The following CPM variants were observed in gnomAD, a reference collection of about 807,000 sequenced individuals.
CPM encodes carboxypeptidase M.
In CPM, 35 loss-of-function variants were observed where a neutral mutation model predicts 46.4. That is an observed-to-expected ratio of 0.75 (90% confidence interval 0.58 to 1.00). CPM has a LOEUF of 1.00. CPM is among the 50% of genes least tolerant of loss of function. The pLI, the probability that CPM is intolerant of heterozygous loss-of-function variation, is 0.00. For synonymous variants in CPM, 195 were observed against 195.3 expected (o/e 1.00, Z 0.01); for missense variants, 422 against 530.4 (o/e 0.80, Z 2.01).
intron 2 of CPM, among the ~76,000 whole-genome samples, chr12:68,905,278 TTC>T (rs1011761750): frequency 1.3e-5 from 2 of 151,402 alleles, no homozygotes; most frequent in Non-Finnish European, 2.9e-5. Flanking sequence ...ATCTTTTTTT[TTC>T]TCTCTCTCTC....
upstream of CPM, among the ~76,000 whole-genome samples, chr12:68,933,372 G>A (rs1565805363): frequency 6.6e-6 from 1 of 152,024 alleles, no homozygotes; most frequent in Non-Finnish European, 1.5e-5. Flanking sequence ...CCGCGGCCGG[G>A]CGGCTGAGCT....
At chr12:68,893,410 C>T (rs147955244) in intron 2 of CPM, among the ~76,000 whole-genome samples, 269 of 152,246 alleles carry the variant, frequency 1.8e-3, no homozygotes, top group Middle Eastern at 0.01. Context: ...CCACAGGATC[C>T]CAATGAAGCT....
chr12:68,885,751 C>G (rs1886400072), intron 3 of CPM, 41 bp downstream of exon 3: 1 of 1,517,142 alleles, frequency 6.6e-7, no homozygotes, highest in Non-Finnish European at 9.1e-7. Context: ...CTAGGGGAAG[C>G]TTCTCTGGTG....
chr12:68,923,236 G>A (rs990935922), intron 2 of CPM, among the ~76,000 whole-genome samples: 3 of 1,874 alleles, frequency 1.6e-3, no homozygotes, highest in African/African-American at 0.01. Context: ...TCACTTTAAG[G>A]TTTTCTTTTG....
intron 7 of CPM, among the ~76,000 whole-genome samples, chr12:68,865,987 A>C (rs1233154309): frequency 6.6e-6 from 1 of 152,108 alleles, no homozygotes; most frequent in Non-Finnish European, 1.5e-5. Context: ...GCACGTTTGA[A>C]AGCTATCACT....
chr12:68,937,845 C>A (rs1234084850), upstream of CPM, among the ~76,000 whole-genome samples: 1 of 152,110 alleles, frequency 6.6e-6, no homozygotes, highest in Non-Finnish European at 1.5e-5. Context: ...ACAATGAAGG[C>A]ATTTTAATTT....
upstream of CPM, among the ~76,000 whole-genome samples, chr12:68,936,289 T>A (rs961541150): frequency 7.9e-5 from 12 of 152,060 alleles, no homozygotes; most frequent in African/African-American, 1.5e-4. Context: ...GAAAAAAAAA[T>A]TTAGTGTTAA....
intron 2 of CPM, among the ~76,000 whole-genome samples, chr12:68,890,796 A>G (rs1886623443): frequency 1.3e-5 from 2 of 152,228 alleles, no homozygotes; most frequent in East Asian, 3.8e-4. Context: ...CAACTCCATC[A>G]GACTATCTCT....
At chr12:68,935,704 G>T (rs1256310735), upstream of CPM, among the ~76,000 whole-genome samples, 1 of 151,802 alleles carries the variant, frequency 6.6e-6, no homozygotes, top group Non-Finnish European at 1.5e-5. Flanking sequence ...GGTTGAAGAC[G>T]TTTCCCTTTC....
Position 68,883,034 on chromosome 12 carries a change from G to A in CPM, c.258+2758C>T, listed in dbSNP as rs556520545. Among the ~76,000 whole-genome samples, 388 of 152,234 alleles carry A rather than the reference G, an allele frequency of 2.5e-3. 2 individuals carry two copies. The highest frequency in any genetic ancestry group is 7.5e-3 in the African/African-American group (311 of 41,526). ...AACACACACACAAACACACACACAC[G>A]CACAGTGGGGGTGGGGTCCCATTTT... On this transcript the variant is annotated intron_variant, in intron 3 of 8. Coordinates refer to ENST00000551568, the MANE Select transcript of CPM (RefSeq NM_198320.5).
At chr12:68,896,205 T>A (rs1263591122) in intron 2 of CPM, among the ~76,000 whole-genome samples, 3 of 152,060 alleles carry the variant, frequency 2.0e-5, no homozygotes, top group African/African-American at 7.2e-5. Flanking sequence ...GCGGCCAACC[T>A]CCCCTTGCCT....
chr12:68,919,305 C>T (rs536843463), intron 2 of CPM, among the ~76,000 whole-genome samples: 1 of 152,340 alleles, frequency 6.6e-6, no homozygotes, highest in Non-Finnish European at 1.5e-5. Flanking sequence ...GTAACTGTCA[C>T]TCTCCATTAT....
chr12:68,918,537 G>A (rs1004025775), intron 2 of CPM, among the ~76,000 whole-genome samples: 3 of 152,020 alleles, frequency 2.0e-5, no homozygotes, highest in African/African-American at 2.4e-5. Flanking sequence ...ACACTCAGTC[G>A]AGCACAAAAC....
intron 2 of CPM, among the ~76,000 whole-genome samples, chr12:68,921,544 G>C (rs1025225618): frequency 1.3e-5 from 2 of 152,168 alleles, no homozygotes; most frequent in African/African-American, 4.8e-5. Flanking sequence ...GGGGGCTGAA[G>C]GCAAGGGGTG....
downstream of CPM, chr12:68,849,048 G>A (rs1884519434): frequency 6.6e-6 from 1 of 151,270 alleles, no homozygotes; most frequent in Admixed American, 6.6e-5. Flanking sequence ...GTGGGAGGTG[G>A]AAGTATCTCG....
At chr12:68,934,194 A>G (rs1424097581), upstream of CPM, among the ~76,000 whole-genome samples, 4 of 151,586 alleles carry the variant, frequency 2.6e-5, no homozygotes, top group Non-Finnish European at 4.4e-5. Context: ...GGCCCGTGTC[A>G]AGGTCCGCAG....
Position 68,856,250 on chromosome 12 carries a change from A to C in CPM, c.*187T>G. 1 of 650,192 alleles carries C rather than the reference A, an allele frequency of 1.5e-6. No homozygotes were observed. The highest frequency in any genetic ancestry group is 2.6e-6 in the Non-Finnish European group (1 of 385,570). 40.3% of individuals were successfully genotyped at this position (650,192 alleles called of 1,614,324 possible). On this transcript the variant is annotated 3_prime_UTR_variant, in exon 9 of 9. Transcript: ENST00000551568. The stretch of plus-strand genomic sequence containing the variant: ...TGTCTTCCATTCACCGTCAAGACTG[A>C]ATCATTCTTTTCATTATCACCACAT...
At position 68,920,646 on chromosome 12, in the gene CPM, G is replaced by C. The variant is rs561090633; in HGVS notation, c.160+12032C>G. Among the ~76,000 whole-genome samples, 28 of 151,806 alleles carry C rather than the reference G, an allele frequency of 1.8e-4. No individual in the cohort carries two copies. In the South Asian group the frequency reaches 5.4e-3, roughly 29 times the overall value. On this transcript the variant is annotated intron_variant, in intron 2 of 8. Transcript: ENST00000551568. ...GAGGGGGGAAAAGACACTTAAAATGGAAGGGTTTCATATCTCTGCTTAAGC... is the reference window on the plus strand; with the variant it reads ...GAGGGGGGAAAAGACACTTAAAATGCAAGGGTTTCATATCTCTGCTTAAGC...
At chr12:68,906,876 T>C (rs1887373349) in intron 2 of CPM, among the ~76,000 whole-genome samples, 1 of 152,258 alleles carries the variant, frequency 6.6e-6, no homozygotes, top group African/African-American at 2.4e-5. Context: ...CATACTGTTG[T>C]ATAAATGTAA....
Sources: allele counts gnomAD v4.1 joint callset (sites outside exome capture counted in the v4.1 genomes callset), GRCh38; gene constraint gnomAD v4.1.1; transcripts MANE v1.5; gene names NCBI Gene and HGNC (gene_info 2026-07-23, HGNC 2026-07-21).